The following AFF4 variants were observed in gnomAD, a reference collection of about 807,000 sequenced individuals.
AFF4 encodes the protein ALF transcription elongation factor 4.
In AFF4, 13 loss-of-function variants were observed where a neutral mutation model predicts 124.8. The ratio of observed to expected loss-of-function variants is 0.10; its 90% confidence interval spans 0.07 to 0.17. The LOEUF (loss-of-function observed/expected upper bound fraction) is 0.17, where lower values mean the gene tolerates loss of function less well. Among genes scored for constraint, AFF4 ranks in the 10% least tolerant of loss-of-function variants. AFF4 has a pLI of 1.00. For missense variants in AFF4, 1,092 were observed against 1,403.8 expected, an observed-to-expected ratio of 0.78 and a Z score of 3.55; for synonymous variants, 477 against 496.1, an observed-to-expected ratio of 0.96 and a Z score of 0.51.
intron 5 of AFF4, among the ~76,000 whole-genome samples, chr5:132,922,087 A>G (rs906729943): frequency 1.3e-5 from 2 of 152,050 alleles, no homozygotes; most frequent in African/African-American, 4.8e-5. Flanking sequence ...CACCTACCAT[A>G]TACCTAACCA....
Position 132,889,107 on chromosome 5 carries a change from G to A in AFF4, c.2704C>T (p.Arg902Trp), listed in dbSNP as rs780415481. The stretch of plus-strand genomic sequence containing the variant: ...TCATCAAAGACAAGCTTTGTTCTCC[G>A]AGGCTTAGAAGAATCAAGAGTTGGT... ...SAPTLDSSKP[R>W]RTKLVFDDRN... The change falls in exon 14 of 21, where the codon CGG (arginine) becomes TGG (tryptophan). Residue 902 changes from arginine to tryptophan, a missense_variant. Arg to Trp is a moderately radical substitution (Grantham distance 101, BLOSUM62 -3). Coordinates refer to ENST00000265343, the MANE Select transcript of AFF4 (RefSeq NM_014423.4). 9.9e-6 allele frequency: 16 copies of A among 1,613,778 alleles called. No individual in the cohort carries two copies. In the African/African-American group the frequency reaches 1.2e-4, roughly 12 times the overall value.
rs978234509 is a variant in AFF4, at chr5:132,933,223, C to A, written c.918+924G>T. On this transcript the variant is annotated intron_variant, in intron 3 of 20. Transcript: ENST00000265343. Reference sequence around the variant, plus strand: ...GACCAGCCTGACCAACATGGTGAAACCCCATCTCTACTAAAAATACAAAAT... The same window carrying A: ...GACCAGCCTGACCAACATGGTGAAAACCCATCTCTACTAAAAATACAAAAT... Among the ~76,000 whole-genome samples the A allele has an allele frequency of 9.2e-5, 14 of 152,120 alleles. No individual in the cohort carries two copies. In the South Asian group the frequency reaches 2.9e-3, roughly 32 times the overall value.
At chr5:132,920,359 T>C (rs1452570406) in intron 5 of AFF4, among the ~76,000 whole-genome samples, 8 of 144,744 alleles carry the variant, frequency 5.5e-5, no homozygotes, top group African/African-American at 2.1e-4. Flanking sequence ...GGCAAACATT[T>C]TTTTTTTTTT....
chr5:132,896,352 C>T lies in AFF4; in HGVS notation c.2278G>A (p.Val760Ile). 6.3e-7 allele frequency: 1 copy of T among 1,597,282 alleles called. No individual in the cohort carries two copies. Among genetic ancestry groups the T allele is most frequent in the South Asian group, 1.1e-5 (1 of 87,578 alleles). ...TGCTTCCTCTTGCCTTTGTTGGAAACTTTTTCTGAGGCTTGTTTCTGAGCC... is the reference window on the plus strand; with the variant it reads ...TGCTTCCTCTTGCCTTTGTTGGAAATTTTTTCTGAGGCTTGTTTCTGAGCC... Reference protein sequence around the residue: ...REAQKQASEKVSNKGKRKHKN... With the variant: ...REAQKQASEKISNKGKRKHKN... The change falls in exon 11 of 21, where the codon GTT becomes ATT. Residue 760 changes from valine to isoleucine, a missense_variant. Val to Ile is a conservative substitution (Grantham distance 29, BLOSUM62 3). Transcript: ENST00000265343.
chr5:132,880,116 G>A lies in AFF4; in HGVS notation c.*943C>T. On this transcript the variant is annotated 3_prime_UTR_variant, in exon 21 of 21. Coordinates refer to ENST00000265343, the MANE Select transcript of AFF4 (RefSeq NM_014423.4). ...GATAATCAATTAAAGACACACAGGC[G>A]GCAATCCTCAGGAGTTGGATCATCC... 3 of 397,812 alleles carry A rather than the reference G, an allele frequency of 7.5e-6. No homozygotes were observed. The highest frequency in any genetic ancestry group is 2.1e-5 in the African/African-American group (1 of 48,680). 24.6% of individuals were successfully genotyped at this position (397,812 alleles called of 1,614,324 possible).
At chr5:132,898,776 G>A (rs772450864) in intron 9 of AFF4, among the ~76,000 whole-genome samples, 74 of 152,298 alleles carry the variant, frequency 4.9e-4, no homozygotes, top group Admixed American at 3.1e-3. Flanking sequence ...GAGCCACCGC[G>A]CCCGGCTGCA....
In AFF4 at chr5:132,963,259, C is replaced by T; in HGVS notation, c.-5G>A. ...GGGTCAGTCTGTCGGCCCTTCTTAC[C>T]TCCAGTCCCGGCTCCGCTAGGCCCG... On this transcript the variant is annotated splice_region_variant and 5_prime_UTR_variant, in exon 1 of 21. Transcript: ENST00000265343. The T allele has an allele frequency of 2.5e-6, 1 of 393,790 alleles. No homozygotes were observed. The highest frequency in any genetic ancestry group is 4.5e-6 in the Non-Finnish European group (1 of 223,312). The allele number at this position is 393,790 out of a possible 1,614,324, so 24.4% of individuals were successfully genotyped here.
intron 1 of AFF4, among the ~76,000 whole-genome samples, chr5:132,959,757 CTTTTT>C (rs1163731664): frequency 7.0e-5 from 5 of 71,506 alleles, no homozygotes; most frequent in Middle Eastern, 0.014. Context: ...GAGTGCTTTT[CTTTTT>C]TTTTTTTTTT....
chr5:132,931,042 G>A (rs1446564009), intron 4 of AFF4, among the ~76,000 whole-genome samples: 27 of 151,200 alleles, frequency 1.8e-4, no homozygotes, highest in African/African-American at 6.6e-4. Flanking sequence ...GCGAGGCGGA[G>A]GTTGCAGTGA....
In AFF4 at chr5:132,934,918, T is replaced by C; in HGVS notation, c.147A>G (p.Ser49=). 1 of 1,586,668 alleles carries C rather than the reference T, an allele frequency of 6.3e-7. No homozygotes were observed. The highest frequency in any genetic ancestry group is 8.6e-7 in the Non-Finnish European group (1 of 1,168,168). Residue 49 remains serine (S), a synonymous_variant, in exon 3 of 21, where the codon TCA becomes TCG. Transcript: ENST00000265343. ...TTCCAAGCATACTCTGAATACGACT[T>C]GATAACTTATCTTCTTTGCTAGTCT... The part of the protein sequence containing the change: ...YKVTSKEDKL[S]SRIQSMLGNY...
intron 5 of AFF4, chr5:132,926,724 T>TC (rs1391446844): frequency 2.2e-5 from 3 of 137,674 alleles, no homozygotes; most frequent in African/African-American, 8.0e-5. Flanking sequence ...TTTTTTTTTT[T>TC]TTCCTTCCAA....
intron 1 of AFF4, among the ~76,000 whole-genome samples, chr5:132,938,235 A>G (rs78615306): frequency 0.015 from 2,238 of 152,260 alleles, 66 homozygotes; most frequent in African/African-American, 0.052. Flanking sequence ...CTATAATTAT[A>G]AAATTAGAAT....
At chr5:132,896,302 C>T (rs1561484190) in intron 11 of AFF4, 21 bp downstream of exon 11, 2 of 1,551,524 alleles carry the variant, frequency 1.3e-6, no homozygotes, top group Non-Finnish European at 1.7e-6. Flanking sequence ...TCAAAACAAA[C>T]AACAAAAACC....
rs1759840399 is a variant in AFF4, at chr5:132,876,376, A to AAC, written c.*4681_*4682dup. 4.4e-6 allele frequency: 1 copy of AAC among 228,330 alleles called. No individual in the cohort carries two copies. Among genetic ancestry groups the AAC allele is most frequent in the Non-Finnish European group, 8.7e-6 (1 of 114,704 alleles). 14.1% of individuals were successfully genotyped at this position (228,330 alleles called of 1,614,324 possible). ...TCCAAATTGATATTTTCCAGAGAGG[A>AAC]ACATAGCAGGTAGAAAATTCCAATG... On this transcript the variant is annotated 3_prime_UTR_variant, in exon 21 of 21. Transcript: ENST00000265343.
At chr5:132,890,569 A>C (rs987596169) in intron 13 of AFF4, among the ~76,000 whole-genome samples, 2 of 152,206 alleles carry the variant, frequency 1.3e-5, no homozygotes, top group African/African-American at 4.8e-5. Flanking sequence ...GATTTTCCAG[A>C]TCTAATTTTT....
chr5:132,902,675 T>A (rs1262608086), intron 6 of AFF4, among the ~76,000 whole-genome samples, 188 bp from the exon 7 acceptor site: 1 of 152,208 alleles, frequency 6.6e-6, no homozygotes, highest in Non-Finnish European at 1.5e-5. Context: ...AGCATGTGCA[T>A]ATGTTGCTGG....
intron 19 of AFF4, 84 bp downstream of exon 19, chr5:132,884,992 C>A (rs1420833405): frequency 9.3e-6 from 8 of 859,534 alleles, no homozygotes; most frequent in East Asian, 8.2e-5. Context: ...AAAAAGTAGT[C>A]ATCTTTCCAT....
At chr5:132,910,569 G>C (rs1373716380) in intron 5 of AFF4, among the ~76,000 whole-genome samples, 1 of 152,152 alleles carries the variant, frequency 6.6e-6, no homozygotes, top group Non-Finnish European at 1.5e-5. Flanking sequence ...ATCACACAGA[G>C]CTTTTAGGTA....
At chr5:132,885,469 G>T (rs892661549) in intron 18 of AFF4, among the ~76,000 whole-genome samples, 2 of 132,142 alleles carry the variant, frequency 1.5e-5, no homozygotes, top group African/African-American at 5.5e-5. Flanking sequence ...TAAAAAAGGG[G>T]TGGGTGGGTG....
Sources: allele counts gnomAD v4.1 joint callset (sites outside exome capture counted in the v4.1 genomes callset), GRCh38; gene constraint gnomAD v4.1.1; transcripts MANE v1.5; gene names NCBI Gene and HGNC (gene_info 2026-07-23, HGNC 2026-07-21).